The following SEMA6D variants were observed in gnomAD, a reference collection of about 807,000 sequenced individuals.
SEMA6D encodes semaphorin 6D.
Under a neutral mutation model 106.6 loss-of-function variants are expected in SEMA6D, and 35 were observed. The ratio of observed to expected loss-of-function variants is 0.33; its 90% CI spans 0.25 to 0.44. The LOEUF is 0.44. Among genes scored for constraint, SEMA6D ranks in the 20% least tolerant of loss-of-function variants. The pLI, the probability that SEMA6D is intolerant of heterozygous loss-of-function variation, is 1.00. For synonymous variants in SEMA6D, 499 were observed against 487.7 expected, an observed-to-expected ratio of 1.02 and a Z score of -0.31; for missense variants, 1,185 against 1,345.9, an observed-to-expected ratio of 0.88 and a Z score of 1.87.
At chr15:47,626,930 G>T (rs754778148) in intron 4 of SEMA6D, among the ~76,000 whole-genome samples, 1 of 152,080 alleles carries the variant, frequency 6.6e-6, no homozygotes, top group South Asian at 2.1e-4. Context: ...TCATTTGACC[G>T]AGAACAGGAG....
intron 1 of SEMA6D, among the ~76,000 whole-genome samples, chr15:47,265,313 T>C (rs917698783): frequency 1.3e-5 from 2 of 152,000 alleles, no homozygotes; most frequent in Non-Finnish European, 2.9e-5. Flanking sequence ...AGTTTATTCA[T>C]ATTATTTCTC....
At chr15:47,709,035 C>G (rs1029408685) in intron 4 of SEMA6D, among the ~76,000 whole-genome samples, 3 of 152,172 alleles carry the variant, frequency 2.0e-5, no homozygotes, top group Admixed American at 1.3e-4. Context: ...CCATTAAGGG[C>G]TGCATCAGTG....
At chr15:47,542,505 C>A (rs997648748) in intron 3 of SEMA6D, among the ~76,000 whole-genome samples, 1 of 152,154 alleles carries the variant, frequency 6.6e-6, no homozygotes, top group African/African-American at 2.4e-5. Flanking sequence ...GTTGGCCAAG[C>A]TTATGTACAA....
chr15:47,356,036 T>C (rs1201801355), intron 1 of SEMA6D, among the ~76,000 whole-genome samples: 4 of 152,210 alleles, frequency 2.6e-5, no homozygotes, highest in Admixed American at 1.3e-4. Context: ...TTCAGAGGAA[T>C]CATGGGAATT....
chr15:47,479,865 C>CT (rs887943372), intron 3 of SEMA6D, among the ~76,000 whole-genome samples: 7,752 of 126,138 alleles, frequency 0.061, 977 homozygotes, highest in African/African-American at 0.22. Context: ...TCTTATCATT[C>CT]TTTTTTTTTT....
intron 4 of SEMA6D, among the ~76,000 whole-genome samples, chr15:47,665,528 A>T (rs2078008993): frequency 6.6e-6 from 1 of 152,170 alleles, no homozygotes; most frequent in African/African-American, 2.4e-5. Context: ...AGAAATATTT[A>T]TCCAGGCATG....
chr15:47,232,763 GT>G (rs2032290930), intron 1 of SEMA6D, among the ~76,000 whole-genome samples: 1 of 151,552 alleles, frequency 6.6e-6, no homozygotes, highest in Admixed American at 6.6e-5. Context: ...CTCTTTGCAC[GT>G]TTTTAAATAA....
intron 1 of SEMA6D, among the ~76,000 whole-genome samples, chr15:47,211,359 T>A (rs889629680): frequency 6.6e-6 from 1 of 152,224 alleles, no homozygotes; most frequent in African/African-American, 2.4e-5. Flanking sequence ...ATAAGATCTA[T>A]CATAAATTAA....
chr15:47,226,564 A>C (rs1218876807), intron 1 of SEMA6D, among the ~76,000 whole-genome samples: 1 of 152,022 alleles, frequency 6.6e-6, no homozygotes, highest in Admixed American at 6.6e-5. Context: ...AATTCTATCA[A>C]CTATCTTTCT....
At chr15:47,727,414 T>G (rs192171115) in intron 1 of SEMA6D, among the ~76,000 whole-genome samples, 2 of 152,312 alleles carry the variant, frequency 1.3e-5, no homozygotes, top group East Asian at 3.9e-4. Flanking sequence ...AATGGTGCTC[T>G]AGTGTAGCCA....
At chr15:47,534,532 A>G (rs1030165746) in intron 3 of SEMA6D, among the ~76,000 whole-genome samples, 2 of 152,192 alleles carry the variant, frequency 1.3e-5, no homozygotes, top group African/African-American at 4.8e-5. Flanking sequence ...AGCCTAATAA[A>G]ATAATTTTCA....
intron 3 of SEMA6D, among the ~76,000 whole-genome samples, chr15:47,537,908 G>T (rs2045225122): frequency 6.6e-6 from 1 of 152,174 alleles, no homozygotes; most frequent in African/African-American, 2.4e-5. Flanking sequence ...GTTGACAAGA[G>T]ATTATCCAAA....
intron 3 of SEMA6D, among the ~76,000 whole-genome samples, chr15:47,538,165 G>A (rs917444244): frequency 3.9e-5 from 6 of 152,162 alleles, no homozygotes; most frequent in Non-Finnish European, 8.8e-5. Flanking sequence ...AAAAACTATA[G>A]TAATTTGATA....
chr15:47,211,828 A>G (rs1473304119), intron 1 of SEMA6D, among the ~76,000 whole-genome samples: 2 of 152,202 alleles, frequency 1.3e-5, no homozygotes, highest in Non-Finnish European at 2.9e-5. Flanking sequence ...GTTAGATGGT[A>G]ACATACGTTA....
intron 1 of SEMA6D, among the ~76,000 whole-genome samples, chr15:47,358,914 T>C (rs922934959): frequency 3.9e-5 from 6 of 152,186 alleles, no homozygotes; most frequent in African/African-American, 1.4e-4. Context: ...GGTCCCCACT[T>C]TGCTGTGAAC....
At chr15:47,507,342 C>T (rs60188114) in intron 3 of SEMA6D, among the ~76,000 whole-genome samples, 3 of 114,630 alleles carry the variant, frequency 2.6e-5, no homozygotes, top group South Asian at 3.9e-4. Context: ...GTGGGACACC[C>T]CCCCCCACCC....
chr15:47,728,248 A>G (rs2079889912), intron 1 of SEMA6D, among the ~76,000 whole-genome samples: 1 of 152,204 alleles, frequency 6.6e-6, no homozygotes, highest in African/African-American at 2.4e-5. Flanking sequence ...CTCACCCTGC[A>G]CGATTAGAAT....
At chr15:47,320,869 A>G (rs1269095691) in intron 1 of SEMA6D, among the ~76,000 whole-genome samples, 4 of 151,886 alleles carry the variant, frequency 2.6e-5, no homozygotes, top group Admixed American at 2.0e-4. Flanking sequence ...CCTTAGATTT[A>G]TGTATTCCTT....
chr15:47,234,346 T>C (rs62013984), intron 1 of SEMA6D, among the ~76,000 whole-genome samples: 1,773 of 152,096 alleles, frequency 0.012, 32 homozygotes, highest in Admixed American at 0.012. Context: ...ATTATTTTAA[T>C]ATGTATTATT....
Sources: allele counts gnomAD v4.1 joint callset (sites outside exome capture counted in the v4.1 genomes callset), GRCh38; gene constraint gnomAD v4.1.1; transcripts MANE v1.5; gene names NCBI Gene and HGNC (gene_info 2026-07-23, HGNC 2026-07-21).